MTHFSD: variants seen among roughly 807,000 people sequenced by gnomAD.
MTHFSD encodes methenyltetrahydrofolate synthetase domain containing.
In MTHFSD, 37 loss-of-function variants were observed where a neutral mutation model predicts 31.1. That is an observed-to-expected ratio of 1.19 (90% CI 0.91 to 1.56). MTHFSD has a LOEUF of 1.56. Ranked by LOEUF, MTHFSD falls within the 40% of genes most tolerant of loss-of-function variation. The pLI is 0.00. For synonymous variants in MTHFSD, 221 were observed against 206.9 expected (o/e 1.07, Z -0.59); for missense variants, 664 against 510.1 (o/e 1.30, Z -2.91).
At chr16:86,546,324 C>A (rs978014004) in intron 5 of MTHFSD, among the ~76,000 whole-genome samples, 1 of 152,242 alleles carries the variant, frequency 6.6e-6, no homozygotes, top group Admixed American at 6.5e-5. Flanking sequence ...AGAGTTATCT[C>A]ACTTTGTTTT....
intron 7 of MTHFSD, chr16:86,533,664 G>A (rs2113237): frequency 0.89 from 134,695 of 152,084 alleles, 59,751 homozygotes; most frequent in Middle Eastern, 0.91. Context: ...TGAGAGAGGA[G>A]CCTTTGTGAG....
chr16:86,535,367 GA>G, intron 7 of MTHFSD: 4 of 985,168 alleles, frequency 4.1e-6, no homozygotes, highest in Non-Finnish European at 4.8e-6. Flanking sequence ...CCAGCAGCTG[GA>G]TGACCACGCC....
chr16:86,539,263 C>T (rs1301102971), intron 7 of MTHFSD, among the ~76,000 whole-genome samples: 1 of 152,194 alleles, frequency 6.6e-6, no homozygotes, highest in Non-Finnish European at 1.5e-5. Flanking sequence ...CTGAGAGGTA[C>T]AACCCGTGGC....
chr16:86,546,625 TG>T lies in MTHFSD; in HGVS notation c.375del (p.Ile126Ter), dbSNP rs762817283. 15 of 1,613,784 alleles carry T rather than the reference TG, an allele frequency of 9.3e-6. No homozygotes were observed. The highest frequency in any genetic ancestry group is 1.2e-5 in the Non-Finnish European group (14 of 1,179,988). Reference protein sequence around the residue: ...TSQGVRNYSVPIGLDSRVLVD... With the variant: ...TSQGVRNYSVXIGLDSRVLVD... ...ACGAGGACTCTGGAGTCCAAGCCTA[TG>T]GGGACACTGTAGTTCCTCACACCCT... On this transcript the variant is annotated frameshift_variant, in exon 5 of 8. Coordinates refer to ENST00000360900, the MANE Select transcript of MTHFSD (RefSeq NM_001159377.2). LOFTEE classifies it high-confidence loss of function.
At chr16:86,545,953 C>T (rs897634340) in intron 5 of MTHFSD, among the ~76,000 whole-genome samples, 1 of 152,220 alleles carries the variant, frequency 6.6e-6, no homozygotes, top group African/African-American at 2.4e-5. Context: ...AAAGAGGGCA[C>T]CCTGAAGCTG....
chr16:86,540,612 G>A (rs916281416), intron 7 of MTHFSD: 21 of 937,874 alleles, frequency 2.2e-5, no homozygotes, highest in African/African-American at 2.1e-4. Flanking sequence ...CCCTGTTCTC[G>A]GCTCTGAGGA....
intron 2 of MTHFSD, 180 bp from the exon 3 acceptor site, chr16:86,552,326 AC>A (rs1247293321): frequency 6.6e-7 from 1 of 1,516,734 alleles, no homozygotes; most frequent in African/African-American, 1.4e-5. Context: ...TACTGAAAGG[AC>A]AGCACGCTCT....
rs1971718943 is a variant in MTHFSD, at chr16:86,542,889, C to T, written c.443-676G>A. ...ACAGGATACATCAAATGCCTTCTGGCCCCCATGGAGAAGCTACAATTCCGC... is the reference window on the plus strand; with the variant it reads ...ACAGGATACATCAAATGCCTTCTGGTCCCCATGGAGAAGCTACAATTCCGC... On this transcript the variant is annotated intron_variant, in intron 5 of 7. Coordinates refer to ENST00000360900, the MANE Select transcript of MTHFSD (RefSeq NM_001159377.2). This position sits in a 1 kb window ranked among gnomAD's most constrained non-coding sequence, Gnocchi z 4.6. 6.6e-6 allele frequency among the ~76,000 whole-genome samples: 1 copy of T among 152,188 alleles called. No individual in the cohort carries two copies. Among genetic ancestry groups the T allele is most frequent in the African/African-American group, 2.4e-5 (1 of 41,444 alleles).
rs16941478 is a variant in MTHFSD, at chr16:86,542,252, G to A, written c.443-39C>T. The stretch of plus-strand genomic sequence containing the variant: ...GAGAATCAGTATCGCTGTGCGGTCC[G>A]GGGCATCGCTGAGAAGTGGATTTTC... On this transcript the variant is annotated intron_variant, in intron 5 of 7. Transcript: ENST00000360900. The surrounding 1 kb of genome is among the most constrained non-coding windows in gnomAD (Gnocchi z 4.6). 3.0e-3 allele frequency: 4,672 copies of A among 1,539,122 alleles called. 100 individuals carry two copies. The African/African-American group carries it at 0.053, about 18-fold the overall frequency.
chr16:86,539,268 C>T (rs920780687), intron 7 of MTHFSD, among the ~76,000 whole-genome samples: 10 of 152,166 alleles, frequency 6.6e-5, no homozygotes, highest in Admixed American at 2.6e-4. Context: ...AGGTACAACC[C>T]GTGGCCATAG....
intron 2 of MTHFSD, chr16:86,552,357 G>A (rs1251390764): frequency 7.1e-7 from 1 of 1,401,874 alleles, no homozygotes; most frequent in Admixed American, 2.4e-5. Flanking sequence ...TGCAGCCCAA[G>A]CAGCTCGGCC....
In MTHFSD at chr16:86,531,821, C is replaced by T. The variant is rs1036141707; in HGVS notation, c.*190G>A. ...GCGCGCTGTGAGATGAACCGCAGGG[C>T]GGCTTCCCCACTCACAGGAGGGCCT... On this transcript the variant is annotated 3_prime_UTR_variant, in exon 8 of 8. Transcript: ENST00000360900. This position sits in a 1 kb window ranked among gnomAD's most constrained non-coding sequence, Gnocchi z 5.5. The T allele has an allele frequency of 6.5e-5, 28 of 430,736 alleles. No individual in the cohort carries two copies. The highest frequency in any genetic ancestry group is 1.2e-3 in the Middle Eastern group (2 of 1,716). The allele number at this position is 430,736 out of a possible 1,614,324, so 26.7% of individuals were successfully genotyped here. A position where few individuals can be genotyped will look rare whatever the true frequency, so the allele number is the denominator to read the frequency against.
At chr16:86,534,756 C>T (rs533561103) in intron 7 of MTHFSD, among the ~76,000 whole-genome samples, 2 of 151,370 alleles carry the variant, frequency 1.3e-5, no homozygotes, top group South Asian at 4.2e-4. Context: ...TTACTTGGCT[C>T]TGAGTACAGC....
chr16:86,552,842 A>G (rs989819109), intron 2 of MTHFSD, among the ~76,000 whole-genome samples: 1 of 152,212 alleles, frequency 6.6e-6, no homozygotes, highest in African/African-American at 2.4e-5. Context: ...AGGCTTGGGG[A>G]GAGGCAGTCC....
rs944692050 is a variant in MTHFSD at position 86,530,747 on chromosome 16, C to G, written c.*1264G>C. 6.6e-6 allele frequency: 1 copy of G among 152,238 alleles called. No individual in the cohort carries two copies. The highest frequency in any genetic ancestry group is 1.5e-5 in the Non-Finnish European group (1 of 68,078). The allele number at this position is 152,238 out of a possible 1,614,324, so 9.4% of individuals were successfully genotyped here. A position where few individuals can be genotyped will look rare whatever the true frequency, so the allele number is the denominator to read the frequency against. On this transcript the variant is annotated 3_prime_UTR_variant, in exon 8 of 8. Transcript: ENST00000360900. ...GACTGAGTCAGCCTCTGACGCTGAG[C>G]TGAATGCCCAATGACAAACGTGACC...
chr16:86,554,967 T>C (rs1053339708), intron 1 of MTHFSD: 4 of 1,300,916 alleles, frequency 3.1e-6, no homozygotes, highest in Non-Finnish European at 4.1e-6. Context: ...TCTTTATTTT[T>C]CCTGACATCT....
At chr16:86,550,246 C>T (rs1030508618) in intron 3 of MTHFSD, among the ~76,000 whole-genome samples, 1 of 152,232 alleles carries the variant, frequency 6.6e-6, no homozygotes, top group Non-Finnish European at 1.5e-5. Flanking sequence ...ACTCAGGGAC[C>T]ACATGTGTGT....
intron 7 of MTHFSD, chr16:86,540,765 C>T (rs1416525292): frequency 1.0e-6 from 1 of 990,610 alleles, no homozygotes; most frequent in Non-Finnish European, 1.2e-6. Flanking sequence ...CCTTCTTTCC[C>T]AGTGCTCCTG....
At position 86,541,802 on chromosome 16, in the gene MTHFSD, C is replaced by G; in HGVS notation, c.576G>C (p.Glu192Asp). 6.2e-7 allele frequency: 1 copy of G among 1,614,196 alleles called. No homozygotes were observed. The highest frequency in any genetic ancestry group is 8.5e-7 in the Non-Finnish European group (1 of 1,180,048). The change falls in exon 7 of 8, where the codon GAG becomes GAC. Residue 192 changes from glutamate to aspartate, a missense_variant. Coordinates refer to ENST00000360900, the MANE Select transcript of MTHFSD (RefSeq NM_001159377.2). ...HDCQVVDIPE[E>D]LVEEHDITVD... is the part of the protein sequence containing the mutation. ...CAGTGATGTCGTGCTCCTCAACAAG[C>G]TCTTCAGGGATGTCCACGACCTGGG...
Sources: gnomAD v4.1 joint callset for allele counts (sites outside exome capture counted in the v4.1 genomes callset) on GRCh38, gnomAD v4.1.1 for gene constraint, Gnocchi (gnomAD v3.1) non-coding constraint, MANE v1.5 for transcripts, NCBI Gene and HGNC (gene_info 2026-07-23, HGNC 2026-07-21) for gene names.